The following ANGPT1 variants were observed in gnomAD, a reference collection of about 807,000 sequenced individuals.
The protein encoded by ANGPT1 is angiopoietin-1.
A neutral mutation model predicts 62.2 loss-of-function variants in ANGPT1; 17 were observed. The observed-to-expected ratio is 0.27, with a 90% CI of 0.19 to 0.41. The LOEUF (loss-of-function observed/expected upper bound fraction) is 0.41, where lower values mean the gene tolerates loss of function less well. ANGPT1 is among the 10% of genes least tolerant of loss of function. ANGPT1 has a pLI of 1.00. For missense variants in ANGPT1, 478 were observed against 594.9 expected, an observed-to-expected ratio of 0.80 and a Z score of 2.04; for synonymous variants, 199 against 198.9, an observed-to-expected ratio of 1.00 and a Z score of 0.00.
chr8:107,411,900 A>G (rs1249660317), intron 1 of ANGPT1, among the ~76,000 whole-genome samples: 2 of 152,176 alleles, frequency 1.3e-5, no homozygotes. Context: ...CTGTGGTTGT[A>G]TGGTGGAAGG....
intron 1 of ANGPT1, among the ~76,000 whole-genome samples, chr8:107,417,359 T>C (rs1008888306): frequency 3.3e-5 from 5 of 152,124 alleles, no homozygotes; most frequent in African/African-American, 1.2e-4. Context: ...TTAGGGGCTA[T>C]TGCCATTGTT....
At chr8:107,297,011 C>G (rs10107444) in intron 5 of ANGPT1, among the ~76,000 whole-genome samples, 1 of 147,928 alleles carries the variant, frequency 6.8e-6, no homozygotes, top group Non-Finnish European at 1.5e-5. Context: ...GGCATCTTAG[C>G]TTTTAAATCA....
chr8:107,294,938 C>T (rs1285588592), intron 5 of ANGPT1: 1 of 152,100 alleles, frequency 6.6e-6, no homozygotes, highest in African/African-American at 2.4e-5. Flanking sequence ...CAACTGAATA[C>T]TAAAGCATGT....
intron 6 of ANGPT1, among the ~76,000 whole-genome samples, chr8:107,288,180 C>A (rs1814189230): frequency 6.6e-6 from 1 of 152,086 alleles, no homozygotes; most frequent in Non-Finnish European, 1.5e-5. Flanking sequence ...TTGGTTTATA[C>A]AAATGAGTAT....
intron 1 of ANGPT1, among the ~76,000 whole-genome samples, chr8:107,391,954 T>C (rs2130305310): frequency 6.6e-6 from 1 of 152,324 alleles, no homozygotes; most frequent in Non-Finnish European, 1.5e-5. Flanking sequence ...TAATCTTATG[T>C]GACCACCAGG....
intron 1 of ANGPT1, among the ~76,000 whole-genome samples, chr8:107,434,278 G>A (rs534710700): frequency 4.6e-5 from 7 of 152,246 alleles, no homozygotes; most frequent in African/African-American, 1.4e-4. Flanking sequence ...GTAATAGGCC[G>A]GGCGGGAAAG....
chr8:107,442,967 C>A (rs917036862), intron 1 of ANGPT1, among the ~76,000 whole-genome samples: 2 of 152,166 alleles, frequency 1.3e-5, no homozygotes, highest in African/African-American at 2.4e-5. Context: ...ATTAAATATT[C>A]TTTTCCTAAT....
intron 1 of ANGPT1, among the ~76,000 whole-genome samples, chr8:107,485,322 G>A (rs1412392791): frequency 1.3e-5 from 2 of 152,176 alleles, no homozygotes; most frequent in Non-Finnish European, 2.9e-5. Context: ...ACCTCGCCAT[G>A]CAAAGGTGGG....
chr8:107,394,927 A>G (rs117739681), intron 1 of ANGPT1, among the ~76,000 whole-genome samples: 5,039 of 152,278 alleles, frequency 0.033, 118 homozygotes, highest in Middle Eastern at 0.062. Context: ...AAAAACCCTA[A>G]GGATAATTAA....
chr8:107,384,043 CA>C, intron 1 of ANGPT1, among the ~76,000 whole-genome samples: 1 of 152,124 alleles, frequency 6.6e-6, no homozygotes, highest in East Asian at 1.9e-4. Flanking sequence ...TTAAGGGTGT[CA>C]ATAATCCCTT....
intron 1 of ANGPT1, among the ~76,000 whole-genome samples, chr8:107,441,812 C>T (rs999360102): frequency 1.3e-5 from 2 of 151,954 alleles, no homozygotes. Context: ...CCTGGCCAGG[C>T]GCATGGCTCA....
chr8:107,283,564 A>C (rs1018054359), intron 7 of ANGPT1, among the ~76,000 whole-genome samples: 1 of 152,190 alleles, frequency 6.6e-6, no homozygotes, highest in African/African-American at 2.4e-5. Context: ...AAAGACAAAT[A>C]AGCAGCAGAA....
At chr8:107,491,842 C>T (rs1812965372) in intron 1 of ANGPT1, among the ~76,000 whole-genome samples, 1 of 152,080 alleles carries the variant, frequency 6.6e-6, no homozygotes, top group Non-Finnish European at 1.5e-5. Flanking sequence ...TTACATTAAG[C>T]CAATACCTTT....
chr8:107,424,673 C>G (rs1810989798), intron 1 of ANGPT1, among the ~76,000 whole-genome samples: 1 of 152,126 alleles, frequency 6.6e-6, no homozygotes, highest in African/African-American at 2.4e-5. Flanking sequence ...TTCACAGCCA[C>G]CCAGTAAAAT....
chr8:107,335,161 G>A (rs1014192958), intron 3 of ANGPT1, among the ~76,000 whole-genome samples: 1 of 152,164 alleles, frequency 6.6e-6, no homozygotes, highest in East Asian at 1.9e-4. Context: ...TCGGCCACTA[G>A]CAAGTTGTGT....
chr8:107,362,063 A>G (rs1221726374), intron 1 of ANGPT1, among the ~76,000 whole-genome samples: 1 of 152,184 alleles, frequency 6.6e-6, no homozygotes, highest in Non-Finnish European at 1.5e-5. Flanking sequence ...CTCAAAATAA[A>G]TAAATAAATA....
intron 7 of ANGPT1, among the ~76,000 whole-genome samples, chr8:107,269,026 G>C (rs2130060247): frequency 6.6e-6 from 1 of 152,054 alleles, no homozygotes; most frequent in East Asian, 1.9e-4. Flanking sequence ...TGCACTGGGA[G>C]ATAAAGATGA....
chr8:107,336,158 T>C lies in ANGPT1; in HGVS notation c.567A>G (p.Glu189=), dbSNP rs777109910. 1.2e-6 allele frequency: 2 copies of C among 1,601,430 alleles called. No individual in the cohort carries two copies. The highest frequency in any genetic ancestry group is 2.3e-5 in the South Asian group (2 of 88,136). ...QQTNEILKIH[E]KNSLLEHKIL... is the part of the protein sequence containing the mutation. ...AATAAAGCAATCCTCACCTGTTTTT[T>C]TCATGGATCTTCAAGATTTCATTTG... is the stretch of plus-strand genomic sequence containing the variant. Residue 189 remains glutamate (E), a synonymous_variant, in exon 3 of 9, where the codon GAA becomes GAG. Transcript: ENST00000517746.
At chr8:107,261,453 C>T (rs1813488712) in intron 8 of ANGPT1, among the ~76,000 whole-genome samples, 1 of 152,064 alleles carries the variant, frequency 6.6e-6, no homozygotes, top group East Asian at 1.9e-4. Flanking sequence ...CACCTGTAAT[C>T]CCAGCACTTT....
Sources: gnomAD v4.1 joint callset for allele counts (sites outside exome capture counted in the v4.1 genomes callset) on GRCh38, gnomAD v4.1.1 for gene constraint, MANE v1.5 for transcripts, NCBI Gene and HGNC (gene_info 2026-07-23, HGNC 2026-07-21) for gene names.